The following NME8 variants were observed in gnomAD, a reference collection of about 807,000 sequenced individuals.
NME8 encodes the protein NME/NM23 family member 8.
NME8 carries 72 observed loss-of-function variants against 82.3 expected under a neutral mutation model. The ratio of observed to expected loss-of-function variants is 0.87; its 90% confidence interval spans 0.72 to 1.06. The LOEUF is 1.06. NME8 is among the 50% of genes least tolerant of loss of function. The pLI is 0.00. For synonymous variants in NME8, 267 were observed against 228.5 expected (o/e 1.17, Z -1.52); for missense variants, 712 against 685.4 (o/e 1.04, Z -0.43).
chr7:37,884,233 A>G (rs1258835764), intron 12 of NME8, 70 bp from the exon 13 acceptor site: 9 of 1,056,788 alleles, frequency 8.5e-6, no homozygotes, highest in Non-Finnish European at 1.3e-5. Context: ...TCATGATAGT[A>G]TATTATGTAT....
intron 6 of NME8, among the ~76,000 whole-genome samples, chr7:37,861,325 G>A (rs188901658): frequency 3.3e-5 from 5 of 152,172 alleles, no homozygotes; most frequent in Non-Finnish European, 4.4e-5. Context: ...GAACCCTTAT[G>A]TCTGTTATTC....
intron 15 of NME8, 73 bp downstream of exon 15, chr7:37,888,501 C>G (rs1447509112): frequency 7.0e-7 from 1 of 1,438,668 alleles, no homozygotes; most frequent in African/African-American, 1.4e-5. Flanking sequence ...AATTTACAAT[C>G]AGAAAAGCAA....
chr7:37,897,696 T>C (rs2598118), intron 17 of NME8, among the ~76,000 whole-genome samples: 145,871 of 148,956 alleles, frequency 0.98, 71,503 homozygotes, highest in East Asian at 1. Flanking sequence ...CCCTGATGTA[T>C]GTTGTTCCCT....
chr7:37,875,945 C>T (rs994084219), intron 11 of NME8, among the ~76,000 whole-genome samples: 2 of 152,046 alleles, frequency 1.3e-5, no homozygotes, highest in Admixed American at 6.6e-5. Context: ...CGGTGGCTCA[C>T]GCCTATAATC....
intron 15 of NME8, among the ~76,000 whole-genome samples, chr7:37,890,610 C>A (rs1839585): frequency 0.14 from 21,435 of 151,906 alleles, 1,802 homozygotes; most frequent in South Asian, 0.26. Flanking sequence ...GAGCACCATT[C>A]TGCTCTCTAC....
chr7:37,876,785 A>G (rs1784859520), intron 11 of NME8, 47 bp from the exon 12 acceptor site: 15 of 1,377,596 alleles, frequency 1.1e-5, no homozygotes, highest in Non-Finnish European at 1.5e-5. Context: ...GCATGGTTAT[A>G]AACCTCAGTT....
At chr7:37,857,244 A>T in intron 5 of NME8, 30 bp from the exon 6 acceptor site, 2 of 1,511,624 alleles carry the variant, frequency 1.3e-6, no homozygotes, top group South Asian at 1.1e-5. Flanking sequence ...AGTTTTATTT[A>T]TTATTATATG....
chr7:37,858,993 A>T (rs1227602637), intron 6 of NME8, among the ~76,000 whole-genome samples: 1 of 152,108 alleles, frequency 6.6e-6, no homozygotes, highest in African/African-American at 2.4e-5. Flanking sequence ...TCCACATGAC[A>T]TGCTGTCTCC....
In NME8 at chr7:37,884,254, A is replaced by G. The variant is rs768122086; in HGVS notation, c.995-49A>G. 3 of 1,245,164 alleles carry G rather than the reference A, an allele frequency of 2.4e-6. No homozygotes were observed. The African/African-American group carries it at 4.4e-5, about 18-fold the overall frequency. The allele number at this position is 1,245,164 out of a possible 1,614,324, so 77.1% of individuals were successfully genotyped here. The stretch of plus-strand genomic sequence containing the variant: ...TAGTATATTATGTATTGTGTACATA[A>G]CCAGTAATCTACCAGTTTAAAACTT... On this transcript the variant is annotated intron_variant, in intron 12 of 17. Coordinates refer to ENST00000199447, the MANE Select transcript of NME8 (RefSeq NM_016616.5).
chr7:37,862,390 A>G (rs1057488555), intron 7 of NME8, among the ~76,000 whole-genome samples: 11 of 152,206 alleles, frequency 7.2e-5, no homozygotes, highest in Non-Finnish European at 1.2e-4. Flanking sequence ...GTGTATATAT[A>G]TTTATATACA....
At position 37,884,316 on chromosome 7, in the gene NME8, T is replaced by A. The variant is rs1389248828; in HGVS notation, c.1008T>A (p.Arg336=). 6.3e-7 allele frequency: 1 copy of A among 1,586,032 alleles called. No homozygotes were observed. Among genetic ancestry groups the A allele is most frequent in the Non-Finnish European group, 8.7e-7 (1 of 1,154,686 alleles). ...LFHERKDDVL[R]IIKDEDFKIL... ...GTTTTTATTTAGATGATGTTTTGCG[T>A]ATTATTAAAGATGAAGACTTCAAAA... The change falls in exon 13 of 18, where the codon CGT becomes CGA. Residue 336 remains arginine, a synonymous_variant. Transcript: ENST00000199447.
At chr7:37,889,819 C>A (rs991184310) in intron 15 of NME8, among the ~76,000 whole-genome samples, 10 of 151,814 alleles carry the variant, frequency 6.6e-5, no homozygotes, top group African/African-American at 2.4e-4. Flanking sequence ...TAAGATAAAA[C>A]CAGCCTTACA....
intron 6 of NME8, among the ~76,000 whole-genome samples, chr7:37,860,988 T>C (rs987009806): frequency 6.6e-6 from 1 of 152,222 alleles, no homozygotes; most frequent in Admixed American, 6.5e-5. Context: ...CACACTCATC[T>C]ACCTCTTTCC....
chr7:37,881,042 A>C (rs1054968959), intron 12 of NME8, among the ~76,000 whole-genome samples: 1 of 152,174 alleles, frequency 6.6e-6, no homozygotes, highest in African/African-American at 2.4e-5. Flanking sequence ...GTTGTTATTG[A>C]CAATGATGAT....
chr7:37,875,629 A>G (rs995962676), intron 11 of NME8, among the ~76,000 whole-genome samples: 1 of 152,166 alleles, frequency 6.6e-6, no homozygotes, highest in African/African-American at 2.4e-5. Context: ...CTGTTTAGAA[A>G]AAAAAAAGAT....
At chr7:37,853,808 G>T (rs1784471014) in intron 5 of NME8, among the ~76,000 whole-genome samples, 1 of 151,892 alleles carries the variant, frequency 6.6e-6, no homozygotes, top group African/African-American at 2.4e-5. Flanking sequence ...GAGCTGAATG[G>T]TCAGTATACA....
At chr7:37,882,643 G>GA (rs796634405) in intron 12 of NME8, among the ~76,000 whole-genome samples, 1 of 49,418 alleles carries the variant, frequency 2.0e-5, no homozygotes, top group Admixed American at 2.5e-4. Flanking sequence ...AAGAAAGAAA[G>GA]AGAAAGAAAG....
chr7:37,852,615 T>C (rs978693755), intron 5 of NME8, among the ~76,000 whole-genome samples: 5 of 152,212 alleles, frequency 3.3e-5, no homozygotes, highest in Admixed American at 6.5e-5. Context: ...CCTTTTCAGA[T>C]TGGCTTCTTT....
At chr7:37,858,476 G>C (rs749584432) in intron 6 of NME8, among the ~76,000 whole-genome samples, 6 of 152,010 alleles carry the variant, frequency 3.9e-5, no homozygotes, top group Non-Finnish European at 8.8e-5. Flanking sequence ...TGTTGTTGTT[G>C]TTTTGTTTTG....
Sources: gnomAD v4.1 joint callset for allele counts (sites outside exome capture counted in the v4.1 genomes callset) on GRCh38, gnomAD v4.1.1 for gene constraint, MANE v1.5 for transcripts, NCBI Gene and HGNC (gene_info 2026-07-23, HGNC 2026-07-21) for gene names.